Variants in INF2 observed in about 807,000 individuals in gnomAD.
INF2 encodes the protein inverted formin 2, also known as inverted formin-2.
A neutral mutation model predicts 123.5 loss-of-function variants in INF2; 43 were observed. That is an observed-to-expected ratio of 0.35 (90% CI 0.27 to 0.45). The LOEUF is 0.45. INF2 is among the 20% of genes least tolerant of loss of function. The pLI is 1.00. For synonymous variants in INF2, 851 were observed against 745.0 expected (o/e 1.14, Z -2.32); for missense variants, 1,453 against 1,682.7 (o/e 0.86, Z 2.39).
At position 104,712,417 on chromosome 14, in the gene INF2, C is replaced by T; in HGVS notation, c.2490-16C>T. ...TCAGCCGTTGCTGTCTCTGCCCGGC[C>T]CTCCTCACCTTTCAGGATCAACCTG... On this transcript the variant is annotated splice_polypyrimidine_tract_variant and intron_variant, in intron 16 of 22. Coordinates refer to ENST00000392634, the MANE Select transcript of INF2 (RefSeq NM_022489.4). 6.2e-7 allele frequency: 1 copy of T among 1,612,200 alleles called. No homozygotes were observed. Among genetic ancestry groups the T allele is most frequent in the Non-Finnish European group, 8.5e-7 (1 of 1,179,632 alleles).
rs1207801505 is a variant in INF2 at position 104,701,818 on chromosome 14, G to A, written c.391+62G>A. The A allele has an allele frequency of 4.9e-6, 7 of 1,429,420 alleles. No individual in the cohort carries two copies. The East Asian group carries it at 1.3e-4, about 26-fold the overall frequency. 88.5% of individuals were successfully genotyped at this position (1,429,420 alleles called of 1,614,324 possible). On this transcript the variant is annotated intron_variant, in intron 2 of 22. Transcript: ENST00000392634. The stretch of plus-strand genomic sequence containing the variant: ...CTGGGGACCTGGTATGAGGCTTCAG[G>A]CCCAAAAGGCCCCGGGAGGCCTGGG...
At chr14:104,717,019 A>T (rs1419277161) in intron 22 of INF2, among the ~76,000 whole-genome samples, 1 of 152,230 alleles carries the variant, frequency 6.6e-6, no homozygotes, top group African/African-American at 2.4e-5. Context: ...AAAATCTTCA[A>T]CACCACAGGA....
intron 13 of INF2, 87 bp downstream of exon 13, chr14:104,710,275 C>CAGTATCAT: frequency 5.4e-6 from 5 of 927,860 alleles, no homozygotes; most frequent in Non-Finnish European, 8.3e-6. Context: ...CTGCTACTGC[C>CAGTATCAT]AGTATCATAA....
rs995128929 is a variant in INF2 at position 104,714,283 on chromosome 14, G to A, written c.3121G>A (p.Ala1041Thr). The A allele has an allele frequency of 1.3e-6, 2 of 1,593,996 alleles. No individual in the cohort carries two copies. Among genetic ancestry groups the A allele is most frequent in the East Asian group, 2.3e-5 (1 of 43,742 alleles). ...ASEPGLDATT[A>T]SESRGWDLVD... ...TGAGCCCGGCCTTGATGCTACAACA[G>A]CCAGCGAGTCCCGGGGCTGGGACCT... The change falls in exon 21 of 23, where the codon GCC becomes ACC. Residue 1041 changes from alanine to threonine, a missense_variant. Transcript: ENST00000392634.
At chr14:104,703,500 G>A in intron 4 of INF2, 46 bp downstream of exon 4, 1 of 1,602,514 alleles carries the variant, frequency 6.2e-7, no homozygotes, top group South Asian at 1.1e-5. Context: ...CCCGCCTCTT[G>A]GCCAGTGCAT....
At chr14:104,700,494 G>C (rs550299538) in intron 1 of INF2, among the ~76,000 whole-genome samples, 1 of 152,262 alleles carries the variant, frequency 6.6e-6, no homozygotes, top group Admixed American at 6.5e-5. Context: ...GGAGGGCCTG[G>C]GATGCCCCTG....
At position 104,701,879 on chromosome 14, in the gene INF2, G is replaced by C. The variant is rs374994946; in HGVS notation, c.391+123G>C. On this transcript the variant is annotated intron_variant, in intron 2 of 22. Coordinates refer to ENST00000392634, the MANE Select transcript of INF2 (RefSeq NM_022489.4). ...GAGGAAGCGCAGCCAGGCAGGCAAG[G>C]AGGGCTTCCTGGAGGAGGACTGGCT... 3.1e-5 allele frequency: 34 copies of C among 1,103,260 alleles called. No homozygotes were observed. In the East Asian group the frequency reaches 3.4e-4, roughly 11 times the overall value. 68.3% of individuals were successfully genotyped at this position (1,103,260 alleles called of 1,614,324 possible). A position where few individuals can be genotyped will look rare whatever the true frequency, so the allele number is the denominator to read the frequency against.
chr14:104,710,483 G>A (rs1360917741), intron 13 of INF2, among the ~76,000 whole-genome samples: 3 of 149,398 alleles, frequency 2.0e-5, no homozygotes, highest in African/African-American at 7.4e-5. Context: ...TCAGGCACGT[G>A]CACACACGCA....
intron 1 of INF2, among the ~76,000 whole-genome samples, chr14:104,695,589 C>T (rs1889153482): frequency 6.6e-6 from 1 of 152,116 alleles, no homozygotes; most frequent in African/African-American, 2.4e-5. Context: ...GACTCTCCTC[C>T]CAGTGACCCC....
At position 104,702,051 on chromosome 14, in the gene INF2, C is replaced by T. The variant is rs1889539094; in HGVS notation, c.391+295C>T. Reference sequence around the variant, plus strand: ...ACCCTTCCTCCCCGTCCTGTGCTGGCTCCCACCCTCTGGGCTCTCTGCCCT... The same window carrying T: ...ACCCTTCCTCCCCGTCCTGTGCTGGTTCCCACCCTCTGGGCTCTCTGCCCT... On this transcript the variant is annotated intron_variant, in intron 2 of 22. Coordinates refer to ENST00000392634, the MANE Select transcript of INF2 (RefSeq NM_022489.4). 2.6e-5 allele frequency among the ~76,000 whole-genome samples: 4 copies of T among 152,132 alleles called. No individual in the cohort carries two copies. In the South Asian group the frequency reaches 8.3e-4, roughly 31 times the overall value.
chr14:104,685,330 C>T (rs1206483015), upstream of INF2, among the ~76,000 whole-genome samples: 3 of 152,112 alleles, frequency 2.0e-5, no homozygotes, highest in Non-Finnish European at 4.4e-5. Flanking sequence ...CAGGCTGACT[C>T]AGGTGCTCTT....
chr14:104,705,415 TC>T (rs1287075265), intron 5 of INF2, among the ~76,000 whole-genome samples: 1 of 117,586 alleles, frequency 8.5e-6, no homozygotes, highest in Non-Finnish European at 1.7e-5. Flanking sequence ...AGACTCCATC[TC>T]AAAAAAAAAA....
intron 5 of INF2, among the ~76,000 whole-genome samples, chr14:104,705,112 C>T (rs1411601888): frequency 6.6e-6 from 1 of 152,206 alleles, no homozygotes. Context: ...GGCTAGAATG[C>T]CTGGTGTTGA....
rs755849718 is a variant in INF2 at position 104,707,061 on chromosome 14, C to T, written c.985+10C>T. The stretch of plus-strand genomic sequence containing the variant: ...CTCCTGGCCAGCGATGGTGAGGGGG[C>T]GGGGCAGGGGCGTAGGCACAGCCTG... On this transcript the variant is annotated intron_variant, in intron 7 of 22. Transcript: ENST00000392634. 29 of 1,571,230 alleles carry T rather than the reference C, an allele frequency of 1.8e-5. No individual in the cohort carries two copies. The highest frequency in any genetic ancestry group is 8.9e-5 in the Admixed American group (5 of 56,480).
At chr14:104,684,822 G>A (rs1007056133), upstream of INF2, 1 of 152,244 alleles carries the variant, frequency 6.6e-6, no homozygotes, top group East Asian at 1.9e-4. This position sits in a 1 kb window ranked among gnomAD's most constrained non-coding sequence, Gnocchi z 5.0. Context: ...GAAATAGAGG[G>A]CCAGGTTCCT....
chr14:104,704,230 C>A, intron 5 of INF2: 1 of 1,368,868 alleles, frequency 7.3e-7, no homozygotes, highest in Non-Finnish European at 9.6e-7. Flanking sequence ...AGCTGGAGGC[C>A]GTGATCCTAA....
Position 104,720,122 on chromosome 14 carries a change from T to A in INF2, c.*1329T>A, listed in dbSNP as rs1890494245. 2 of 154,826 alleles carry A rather than the reference T, an allele frequency of 1.3e-5. No individual in the cohort carries two copies. The highest frequency in any genetic ancestry group is 4.0e-4 in the South Asian group (2 of 5,060). The allele number at this position is 154,826 out of a possible 1,614,324, so 9.6% of individuals were successfully genotyped here. A position where few individuals can be genotyped will look rare whatever the true frequency, so the allele number is the denominator to read the frequency against. On this transcript the variant is annotated 3_prime_UTR_variant, in exon 23 of 23. Coordinates refer to ENST00000392634, the MANE Select transcript of INF2 (RefSeq NM_022489.4). ...AGCCACTCACCTGCACTCCAGACGC[T>A]CCAGATGTCATGCATGTCTCCTGGC...
chr14:104,714,395 G>C lies in INF2; in HGVS notation c.3233G>C (p.Trp1078Ser). The change falls in exon 21 of 23, where the codon TGG becomes TCG. Residue 1078 changes from tryptophan to serine, a missense_variant. Around this residue, in one of 8 missense-constraint regions of INF2, gnomAD observed 344 missense variants for 333.1 expected, o/e 1.03. Coordinates refer to ENST00000392634, the MANE Select transcript of INF2 (RefSeq NM_022489.4). ...GPRPLERRSS[W>S]YVDASDVLTT... ...CGGCCCCTGGAGAGGCGTTCTTCCT[G>C]GTATGTGGATGCCAGCGATGTCCTA... 1 of 1,603,650 alleles carries C rather than the reference G, an allele frequency of 6.2e-7. No homozygotes were observed. Among genetic ancestry groups the C allele is most frequent in the Non-Finnish European group, 8.5e-7 (1 of 1,175,494 alleles).
rs1890559793 is a variant in INF2 at position 104,721,621 on chromosome 14, C to CCCCCT, written c.*2833_*2837dup. The stretch of plus-strand genomic sequence containing the variant: ...TTTTCAGTTAAATAGCTCCACTCCT[C>CCCCCT]CCCCTCCCCACCCTCCACAGAACTG... On this transcript the variant is annotated 3_prime_UTR_variant, in exon 23 of 23. Coordinates refer to ENST00000392634, the MANE Select transcript of INF2 (RefSeq NM_022489.4). 1 of 153,452 alleles carries CCCCCT rather than the reference C, an allele frequency of 6.5e-6. No homozygotes were observed. Among genetic ancestry groups the CCCCCT allele is most frequent in the Non-Finnish European group, 1.5e-5 (1 of 68,866 alleles). 9.5% of individuals were successfully genotyped at this position (153,452 alleles called of 1,614,324 possible). A position where few individuals can be genotyped will look rare whatever the true frequency, so the allele number is the denominator to read the frequency against.
Sources: gnomAD v4.1 joint callset for allele counts (sites outside exome capture counted in the v4.1 genomes callset) on GRCh38, gnomAD v4.1.1 for gene constraint, gnomAD v4.1.1 regional missense constraint, Gnocchi (gnomAD v3.1) non-coding constraint, MANE v1.5 for transcripts, NCBI Gene and HGNC (gene_info 2026-07-23, HGNC 2026-07-21) for gene names.